Variants in LHX2 observed in about 807,000 individuals in gnomAD.
The protein encoded by LHX2 is LIM homeobox 2.
In LHX2, 6 loss-of-function variants were observed where a neutral mutation model predicts 33.0. The observed-to-expected ratio is 0.18, with a 90% CI of 0.10 to 0.36. LHX2 has a LOEUF of 0.36. Among genes scored for constraint, LHX2 ranks in the 10% least tolerant of loss-of-function variants. The pLI, the probability that LHX2 is intolerant of heterozygous loss-of-function variation, is 1.00. For missense variants in LHX2, 442 were observed against 586.2 expected (o/e 0.75, Z 2.54); for synonymous variants, 292 against 253.1 (o/e 1.15, Z -1.46).
intron 4 of LHX2, among the ~76,000 whole-genome samples, chr9:124,026,617 G>C (rs1828626979): frequency 6.6e-6 from 1 of 152,158 alleles, no homozygotes; most frequent in South Asian, 2.1e-4. Flanking sequence ...TTTGGGAAAG[G>C]CTCAAGGTTG....
In LHX2 at chr9:124,014,168, C is replaced by T. The variant is rs748741647; in HGVS notation, c.323+5C>T. ...CTGCAAGGAAGACTACTACAGGTAG[C>T]CCCCCCACCCAACTGCCCCTCAGGA... On this transcript the variant is annotated splice_donor_5th_base_variant and intron_variant, in intron 2 of 4. Transcript: ENST00000373615. This position sits in a 1 kb window ranked among gnomAD's most constrained non-coding sequence, Gnocchi z 4.8. 5.2e-6 allele frequency: 7 copies of T among 1,339,924 alleles called. No individual in the cohort carries two copies. The South Asian group carries it at 5.8e-5, about 11-fold the overall frequency. The allele number at this position is 1,339,924 out of a possible 1,614,324, so 83.0% of individuals were successfully genotyped here.
chr9:124,018,852 C>A (rs1290667635), intron 3 of LHX2, among the ~76,000 whole-genome samples: 1 of 152,038 alleles, frequency 6.6e-6, no homozygotes, highest in African/African-American at 2.4e-5. Context: ...TCTCTCCTTT[C>A]TCTGCCCTTT....
At chr9:124,024,113 G>A (rs1828566988) in intron 4 of LHX2, among the ~76,000 whole-genome samples, 1 of 152,240 alleles carries the variant, frequency 6.6e-6, no homozygotes, top group Non-Finnish European at 1.5e-5. Flanking sequence ...GTCTGGGTGT[G>A]AGTTTCATTT....
At chr9:124,023,163 C>G (rs1859323998) in intron 4 of LHX2, among the ~76,000 whole-genome samples, 1 of 152,208 alleles carries the variant, frequency 6.6e-6, no homozygotes, top group South Asian at 2.1e-4. Context: ...TGCCTTTTCT[C>G]TGCTTAGTAG....
chr9:124,020,616 T>C (rs2118762841), intron 3 of LHX2, among the ~76,000 whole-genome samples: 1 of 152,300 alleles, frequency 6.6e-6, no homozygotes. Context: ...CCTGTCCTGC[T>C]GTGTCCAAAG....
At position 124,015,610 on chromosome 9, in the gene LHX2, T is replaced by C. The variant is rs1027512116; in HGVS notation, c.727+85T>C. ...GGCCGGGAGCTGGATTGAATCTCTG[T>C]GTGCTGGGCAAATAGCGAGCCTTAA... On this transcript the variant is annotated intron_variant, in intron 3 of 4. Transcript: ENST00000373615. This position sits in a 1 kb window ranked among gnomAD's most constrained non-coding sequence, Gnocchi z 7.9. 1 of 1,375,600 alleles carries C rather than the reference T, an allele frequency of 7.3e-7. No individual in the cohort carries two copies. The highest frequency in any genetic ancestry group is 2.9e-5 in the Admixed American group (1 of 34,142). 85.2% of individuals were successfully genotyped at this position (1,375,600 alleles called of 1,614,324 possible). A position where few individuals can be genotyped will look rare whatever the true frequency, so the allele number is the denominator to read the frequency against.
At chr9:124,026,092 T>C (rs1828616017) in intron 4 of LHX2, among the ~76,000 whole-genome samples, 1 of 152,206 alleles carries the variant, frequency 6.6e-6, no homozygotes, top group Non-Finnish European at 1.5e-5. Flanking sequence ...CACTCACTTG[T>C]TTGACAGATA....
chr9:124,017,158 C>CTG (rs1859205792), intron 3 of LHX2, among the ~76,000 whole-genome samples: 1 of 152,226 alleles, frequency 6.6e-6, no homozygotes, highest in African/African-American at 2.4e-5. Context: ...AAGAGACACC[C>CTG]TCCATTCAGC....
intron 3 of LHX2, among the ~76,000 whole-genome samples, chr9:124,017,089 G>A (rs1859204473): frequency 6.6e-6 from 1 of 152,214 alleles, no homozygotes; most frequent in South Asian, 2.1e-4. Flanking sequence ...CTGTTCAGCC[G>A]CCGTTTGCCC....
In LHX2 at chr9:124,018,548, C is replaced by T. The variant is rs144369631; in HGVS notation, c.728-2551C>T. 5.5e-3 allele frequency among the ~76,000 whole-genome samples: 836 copies of T among 152,304 alleles called. 7 individuals are homozygous for T. The highest frequency in any genetic ancestry group is 0.019 in the African/African-American group (798 of 41,564). On this transcript the variant is annotated intron_variant, in intron 3 of 4. Transcript: ENST00000373615. ...TTCTTTCCCCTTTTCTCTACTCCCC[C>T]GCCAATAACGGCTTCGGAAAAGGCC... is the stretch of plus-strand genomic sequence containing the variant.
intron 4 of LHX2, among the ~76,000 whole-genome samples, chr9:124,026,903 C>T (rs749568406): frequency 4.6e-5 from 7 of 152,172 alleles, no homozygotes; most frequent in Admixed American, 2.0e-4. Flanking sequence ...CAAGTCACTT[C>T]ATTACTTTGA....
At chr9:124,018,701 A>T (rs932092637) in intron 3 of LHX2, among the ~76,000 whole-genome samples, 1 of 151,610 alleles carries the variant, frequency 6.6e-6, no homozygotes, top group African/African-American at 2.4e-5. Context: ...CTGTCTTTGT[A>T]GCTGTCTCTC....
At chr9:124,020,919 G>A (rs989157159) in intron 3 of LHX2, among the ~76,000 whole-genome samples, 180 bp from the exon 4 acceptor site, 4 of 152,156 alleles carry the variant, frequency 2.6e-5, no homozygotes, top group African/African-American at 9.7e-5. Flanking sequence ...TGGGTGGATC[G>A]CTGTCTCTGA....
intron 4 of LHX2, among the ~76,000 whole-genome samples, chr9:124,025,303 TG>T (rs1055479935): frequency 2.6e-5 from 4 of 151,780 alleles, no homozygotes; most frequent in African/African-American, 9.7e-5. Context: ...TAGCCGGGCG[TG>T]GTGGCATGTG....
intron 3 of LHX2, among the ~76,000 whole-genome samples, chr9:124,019,899 G>T (rs1189023728): frequency 6.6e-6 from 1 of 152,214 alleles, no homozygotes; most frequent in African/African-American, 2.4e-5. Context: ...GTCCCCATCA[G>T]CTTCCAGGTG....
Position 124,032,557 on chromosome 9 carries a change from G to A in LHX2, c.1071G>A (p.Ser357=). 1.2e-6 allele frequency: 2 copies of A among 1,614,014 alleles called. No homozygotes were observed. Among genetic ancestry groups the A allele is most frequent in the Non-Finnish European group, 1.7e-6 (2 of 1,180,008 alleles). Residue 357 remains serine (S), a synonymous_variant, in exon 5 of 5, where the codon TCG becomes TCA. Coordinates refer to ENST00000373615, the MANE Select transcript of LHX2 (RefSeq NM_004789.4). This position sits in a 1 kb window ranked among gnomAD's most constrained non-coding sequence, Gnocchi z 4.1. The part of the protein sequence containing the change: ...SGPASELSNA[S]LSPSSTPTTL... ...CGGCCTCGGAGCTCTCCAACGCCTCGCTCAGCCCCTCCAGCACGCCCACCA... is the reference window on the plus strand; with the variant it reads ...CGGCCTCGGAGCTCTCCAACGCCTCACTCAGCCCCTCCAGCACGCCCACCA...
At position 124,016,329 on chromosome 9, in the gene LHX2, C is replaced by G. The variant is rs751153193; in HGVS notation, c.727+804C>G. On this transcript the variant is annotated intron_variant, in intron 3 of 4. Coordinates refer to ENST00000373615, the MANE Select transcript of LHX2 (RefSeq NM_004789.4). The surrounding 1 kb of genome is among the most constrained non-coding windows in gnomAD (Gnocchi z 4.4). ...AAGCTCTGCCCCCTCCCGCGCCCCTCCCTGCTCAGGACAGCTGCAGAGGTT... is the reference window on the plus strand; with the variant it reads ...AAGCTCTGCCCCCTCCCGCGCCCCTGCCTGCTCAGGACAGCTGCAGAGGTT... Among the ~76,000 whole-genome samples the G allele has an allele frequency of 1.4e-4, 21 of 152,208 alleles. No homozygotes were observed. Among genetic ancestry groups the G allele is most frequent in the Non-Finnish European group, 2.9e-4 (20 of 68,034 alleles).
Position 124,015,664 on chromosome 9 carries a change from T to G in LHX2, c.727+139T>G. Reference sequence around the variant, plus strand: ...CCGGACGGCCTCGCAGAAGGGACATTAGCCCCCTGGGCTTCCAGACTGTGC... The same window carrying G: ...CCGGACGGCCTCGCAGAAGGGACATGAGCCCCCTGGGCTTCCAGACTGTGC... On this transcript the variant is annotated intron_variant, in intron 3 of 4. Transcript: ENST00000373615. This position sits in a 1 kb window ranked among gnomAD's most constrained non-coding sequence, Gnocchi z 7.9. The G allele has an allele frequency of 1.1e-6, 1 of 944,726 alleles. No homozygotes were observed. The highest frequency in any genetic ancestry group is 1.5e-6 in the Non-Finnish European group (1 of 662,954). 58.5% of individuals were successfully genotyped at this position (944,726 alleles called of 1,614,324 possible).
chr9:124,024,273 C>G (rs992709191), intron 4 of LHX2, among the ~76,000 whole-genome samples: 2 of 152,210 alleles, frequency 1.3e-5, no homozygotes, highest in African/African-American at 4.8e-5. Context: ...TCTACCTTAC[C>G]TTAAGATTTT....
Sources: allele counts gnomAD v4.1 joint callset (sites outside exome capture counted in the v4.1 genomes callset), GRCh38; gene constraint gnomAD v4.1.1; non-coding constraint Gnocchi (gnomAD v3.1); transcripts MANE v1.5; gene names NCBI Gene and HGNC (gene_info 2026-07-23, HGNC 2026-07-21).